The following PCDHA10 variants were observed in gnomAD, a reference collection of about 807,000 sequenced individuals.
PCDHA10 encodes the protein protocadherin alpha 10.
Under a neutral mutation model 61.2 loss-of-function variants are expected in PCDHA10, and 45 were observed. The observed-to-expected ratio is 0.74, with a 90% CI of 0.58 to 0.94. The LOEUF is 0.94. PCDHA10 is among the 40% of genes least tolerant of loss of function. The pLI, the probability that PCDHA10 is intolerant of heterozygous loss-of-function variation, is 0.00. For missense variants in PCDHA10, 1,278 were observed against 1,236.2 expected, an observed-to-expected ratio of 1.03 and a Z score of -0.51; for synonymous variants, 602 against 548.8, an observed-to-expected ratio of 1.10 and a Z score of -1.35.
intron 1 of PCDHA10, among the ~76,000 whole-genome samples, chr5:140,890,661 A>G (rs1384784805): frequency 6.6e-6 from 1 of 152,198 alleles, no homozygotes; most frequent in Non-Finnish European, 1.5e-5. Flanking sequence ...TCAAAAGTTA[A>G]CTGAAACCCT....
At chr5:140,861,115 A>G (rs1466747567) in intron 1 of PCDHA10, 1 of 152,586 alleles carries the variant, frequency 6.6e-6, no homozygotes, top group Non-Finnish European at 1.5e-5. Context: ...AAAACTACAA[A>G]CACCCATTAA....
At chr5:140,981,017 G>T (rs782757397) in intron 2 of PCDHA10, among the ~76,000 whole-genome samples, 42 of 152,076 alleles carry the variant, frequency 2.8e-4, no homozygotes, top group Non-Finnish European at 5.3e-4. Flanking sequence ...ACACTTGAAG[G>T]CTGTTAATAT....
chr5:140,918,406 G>A (rs1382905411), intron 1 of PCDHA10, among the ~76,000 whole-genome samples: 2 of 152,076 alleles, frequency 1.3e-5, no homozygotes, highest in Non-Finnish European at 2.9e-5. Context: ...GATTTCTCTG[G>A]CCAGGACTTC....
intron 1 of PCDHA10, chr5:140,968,944 G>C (rs782732835): frequency 1.2e-6 from 2 of 1,614,152 alleles, no homozygotes; most frequent in Non-Finnish European, 8.5e-7. Context: ...TCATCATTTT[G>C]AGCATCATCA....
At position 140,871,233 on chromosome 5, in the gene PCDHA10, G is replaced by A. The variant is rs1277389723; in HGVS notation, c.2388+12797G>A. 5 of 1,613,838 alleles carry A rather than the reference G, an allele frequency of 3.1e-6. No individual in the cohort carries two copies. The African/African-American group carries it at 6.7e-5, about 22-fold the overall frequency. On this transcript the variant is annotated intron_variant, in intron 1 of 3. Transcript: ENST00000307360. ...CCATCTGCGTGGTGTCCAGCCTCCT[G>A]GTACTCACGCTGCTGCTGTATACGG...
intron 1 of PCDHA10, chr5:140,966,545 G>A: frequency 2.1e-6 from 1 of 465,980 alleles, no homozygotes; most frequent in Non-Finnish European, 3.7e-6. Context: ...CGACTCGGAG[G>A]CGAGCGGAGG....
At chr5:140,943,200 G>A (rs2093432800) in intron 1 of PCDHA10, among the ~76,000 whole-genome samples, 1 of 140,910 alleles carries the variant, frequency 7.1e-6, no homozygotes, top group Non-Finnish European at 1.5e-5. Context: ...GGAGGCTGCA[G>A]TAAGCCAAGA....
At chr5:140,884,321 G>A in intron 1 of PCDHA10, 1 of 1,613,854 alleles carries the variant, frequency 6.2e-7, no homozygotes, top group Non-Finnish European at 8.5e-7. Context: ...GGCGTCGGCA[G>A]GCGCTGTGGG....
intron 1 of PCDHA10, chr5:140,883,801 C>G: frequency 3.1e-6 from 5 of 1,612,430 alleles, no homozygotes; most frequent in Non-Finnish European, 4.2e-6. Flanking sequence ...TGTCGGTGCA[C>G]GCGGAGAGCG....
intron 1 of PCDHA10, chr5:140,868,008 G>C (rs953372223): frequency 2.2e-4 from 34 of 152,046 alleles, no homozygotes; most frequent in African/African-American, 7.7e-4. Context: ...AACTGAATTA[G>C]ATTAAGGAAA....
chr5:141,001,069 C>T (rs1422093659), intron 3 of PCDHA10, among the ~76,000 whole-genome samples: 15 of 152,106 alleles, frequency 9.9e-5, no homozygotes, highest in African/African-American at 3.1e-4. Flanking sequence ...AAATTAAATA[C>T]ATGCAAAATA....
chr5:140,925,026 G>A (rs1440774987), intron 1 of PCDHA10, among the ~76,000 whole-genome samples: 1 of 151,826 alleles, frequency 6.6e-6, no homozygotes, highest in Non-Finnish European at 1.5e-5. Flanking sequence ...TGGGAGGATC[G>A]CTTGAGCCCA....
intron 3 of PCDHA10, among the ~76,000 whole-genome samples, chr5:140,985,739 CTT>C (rs11372071): frequency 4.2e-4 from 50 of 117,920 alleles, no homozygotes; most frequent in Middle Eastern, 4.8e-3. Context: ...TGATGAATTC[CTT>C]TTTTTTTTTT....
At chr5:140,877,549 C>T in intron 1 of PCDHA10, 1 of 1,613,788 alleles carries the variant, frequency 6.2e-7, no homozygotes, top group Non-Finnish European at 8.5e-7. Flanking sequence ...CGAAGCGGCT[C>T]TGGTGGATAT....
rs2098421123 is a variant in PCDHA10, at chr5:141,011,585, A to G, written c.*1648A>G. 6.5e-6 allele frequency: 1 copy of G among 153,746 alleles called. No individual in the cohort carries two copies. The highest frequency in any genetic ancestry group is 1.5e-5 in the Non-Finnish European group (1 of 68,036). 9.5% of individuals were successfully genotyped at this position (153,746 alleles called of 1,614,324 possible). ...TAAAATTTCTTTCTTAAATCAAGAT[A>G]CTGGTGATTCAAGGAATTTTATTTA... On this transcript the variant is annotated 3_prime_UTR_variant, in exon 4 of 4. Coordinates refer to ENST00000307360, the MANE Select transcript of PCDHA10 (RefSeq NM_018901.4).
intron 1 of PCDHA10, chr5:140,967,928 A>T (rs1438894870): frequency 3.1e-6 from 5 of 1,614,082 alleles, no homozygotes; most frequent in Non-Finnish European, 3.4e-6. Flanking sequence ...GGCCGTTCTC[A>T]GTGTCAATGA....
At chr5:140,985,607 C>T (rs1554247195) in intron 3 of PCDHA10, among the ~76,000 whole-genome samples, 1 of 152,156 alleles carries the variant, frequency 6.6e-6, no homozygotes, top group Non-Finnish European at 1.5e-5. Flanking sequence ...GAGCCCTTTC[C>T]GTGAACCAGC....
At position 141,010,147 on chromosome 5, in the gene PCDHA10, C is replaced by A; in HGVS notation, c.*210C>A. ...AAGTCTGGTGTTAACTCTTTCTCTC[C>A]ACTCTGGCTTGTTTTCAGAACCTAA... On this transcript the variant is annotated 3_prime_UTR_variant, in exon 4 of 4. Coordinates refer to ENST00000307360, the MANE Select transcript of PCDHA10 (RefSeq NM_018901.4). 1 of 1,583,190 alleles carries A rather than the reference C, an allele frequency of 6.3e-7. No individual in the cohort carries two copies. Among genetic ancestry groups the A allele is most frequent in the Non-Finnish European group, 8.6e-7 (1 of 1,163,606 alleles).
At chr5:140,862,678 C>T (rs1490436756) in intron 1 of PCDHA10, 1 of 550,784 alleles carries the variant, frequency 1.8e-6, no homozygotes, top group Non-Finnish European at 3.6e-6. Context: ...GGAGAACGTG[C>T]TGGTGTCCTA....
Sources: gnomAD v4.1 joint callset for allele counts (sites outside exome capture counted in the v4.1 genomes callset) on GRCh38, gnomAD v4.1.1 for gene constraint, MANE v1.5 for transcripts, NCBI Gene and HGNC (gene_info 2026-07-23, HGNC 2026-07-21) for gene names.